Variants in FBXO11 observed in about 807,000 individuals in gnomAD.
The protein encoded by FBXO11 is F-box protein 11, also known as F-box only protein 11.
FBXO11 carries 13 observed loss-of-function variants against 117.0 expected under a neutral mutation model. The observed-to-expected ratio is 0.11, with a 90% CI of 0.07 to 0.18. FBXO11 has a LOEUF of 0.18. Ranked by LOEUF, FBXO11 falls within the 10% of genes least tolerant of loss-of-function variation. The pLI is 1.00. For synonymous variants in FBXO11, 490 were observed against 380.5 expected, an observed-to-expected ratio of 1.29 and a Z score of -3.35; for missense variants, 767 against 1,164.4, an observed-to-expected ratio of 0.66 and a Z score of 4.97.
At chr2:47,811,969 C>T (rs753581557) in intron 18 of FBXO11, among the ~76,000 whole-genome samples, 1 of 151,772 alleles carries the variant, frequency 6.6e-6, no homozygotes, top group Non-Finnish European at 1.5e-5. Context: ...CTTTTCACAC[C>T]CTTATGCTAT....
chr2:47,837,251 G>A (rs1174271067), intron 4 of FBXO11, among the ~76,000 whole-genome samples: 1 of 152,216 alleles, frequency 6.6e-6, no homozygotes, highest in Admixed American at 6.5e-5. Context: ...TGTGGGCCGG[G>A]CACAGTGGCC....
rs541286317 is a variant in FBXO11, at chr2:47,894,850, G to GA, written c.232+10638dup. On this transcript the variant is annotated intron_variant, in intron 1 of 22. Coordinates refer to ENST00000403359, the MANE Select transcript of FBXO11 (RefSeq NM_001190274.2). The stretch of plus-strand genomic sequence containing the variant: ...CAACTGTGGCTATCTGCAAAAAAAT[G>GA]AAAATGTGAAAATGGGAAAGAACAC... Among the ~76,000 whole-genome samples the GA allele has an allele frequency of 1.0e-3, 155 of 152,220 alleles. 1 individual carries two copies. Among genetic ancestry groups the GA allele is most frequent in the African/African-American group, 3.6e-3 (151 of 41,538 alleles).
intron 1 of FBXO11, among the ~76,000 whole-genome samples, chr2:47,898,053 T>A (rs1677811510): frequency 6.6e-6 from 1 of 152,224 alleles, no homozygotes; most frequent in South Asian, 2.1e-4. Context: ...AGCCCCATGA[T>A]CTTCATTTGT....
At chr2:47,902,730 C>A (rs558512039) in intron 1 of FBXO11, among the ~76,000 whole-genome samples, 1 of 152,128 alleles carries the variant, frequency 6.6e-6, no homozygotes, top group South Asian at 2.1e-4. Flanking sequence ...TATTTTATTA[C>A]CACTAAAGAA....
chr2:47,856,314 A>T (rs995726622), intron 1 of FBXO11, among the ~76,000 whole-genome samples: 1 of 152,252 alleles, frequency 6.6e-6, no homozygotes, highest in Admixed American at 6.5e-5. Context: ...TTAAGAAATT[A>T]CTTGAAGACA....
At chr2:47,830,919 C>T (rs1015643161) in intron 11 of FBXO11, among the ~76,000 whole-genome samples, 1 of 152,210 alleles carries the variant, frequency 6.6e-6, no homozygotes, top group African/African-American at 2.4e-5. Flanking sequence ...CCTGTCTCAG[C>T]CCCCAAGTAG....
At chr2:47,855,831 T>G (rs964068192) in intron 1 of FBXO11, among the ~76,000 whole-genome samples, 5 of 142,666 alleles carry the variant, frequency 3.5e-5, no homozygotes, top group Non-Finnish European at 7.6e-5. Context: ...AAACTCCATC[T>G]CAAACAGTTC....
intron 11 of FBXO11, among the ~76,000 whole-genome samples, chr2:47,829,428 ACAGGG>A: frequency 6.6e-6 from 1 of 151,208 alleles, no homozygotes; most frequent in African/African-American, 2.4e-5. Context: ...TCTAGTAGAG[ACAGGG>A]TTTCACCATG....
At chr2:47,858,859 T>C (rs965282711) in intron 1 of FBXO11, among the ~76,000 whole-genome samples, 9 of 150,314 alleles carry the variant, frequency 6.0e-5, no homozygotes, top group Non-Finnish European at 1.3e-4. Flanking sequence ...GTCAACATGG[T>C]GAAACCCCGT....
At chr2:47,843,138 T>C (rs1350588180) in intron 1 of FBXO11, among the ~76,000 whole-genome samples, 1 of 152,222 alleles carries the variant, frequency 6.6e-6, no homozygotes, top group Admixed American at 6.5e-5. Flanking sequence ...GCCAGTATGA[T>C]ACGCCTAGGC....
chr2:47,906,254 TGAAA>T lies in FBXO11; in HGVS notation c.-538_-535del, dbSNP rs1298575717. On this transcript the variant is annotated 5_prime_UTR_variant, in exon 1 of 23. Coordinates refer to ENST00000403359, the MANE Select transcript of FBXO11 (RefSeq NM_001190274.2). ...CCCTCTTCCTCCCCCCCACACCCCCTGAAAGAGATTTCTGTGAGGAATTTTTCTC... is the reference window on the plus strand; with the variant it reads ...CCCTCTTCCTCCCCCCCACACCCCCTGAGATTTCTGTGAGGAATTTTTCTC... 2 of 160,350 alleles carry T rather than the reference TGAAA, an allele frequency of 1.2e-5. No homozygotes were observed. The highest frequency in any genetic ancestry group is 4.8e-5 in the African/African-American group (2 of 41,466). The allele number at this position is 160,350 out of a possible 1,614,324, so 9.9% of individuals were successfully genotyped here. A position where few individuals can be genotyped will look rare whatever the true frequency, so the allele number is the denominator to read the frequency against.
intron 1 of FBXO11, among the ~76,000 whole-genome samples, chr2:47,890,181 G>T (rs1204908813): frequency 6.6e-6 from 1 of 151,894 alleles, no homozygotes; most frequent in African/African-American, 2.4e-5. Flanking sequence ...TTGGTAGGCT[G>T]GTCTTGCACT....
In FBXO11 at chr2:47,809,994, TG is replaced by T. The variant is rs556246722; in HGVS notation, c.2339-288del. 155 of 491,654 alleles carry T rather than the reference TG, an allele frequency of 3.2e-4. 1 individual carries two copies. Among genetic ancestry groups the T allele is most frequent in the African/African-American group, 2.7e-3 (139 of 50,690 alleles). 30.5% of individuals were successfully genotyped at this position (491,654 alleles called of 1,614,324 possible). On this transcript the variant is annotated intron_variant, in intron 19 of 22. Transcript: ENST00000403359. ...TCCATTTTAACATCTCTTTTTCTGT[TG>T]CAGATTTAAACTGGTAAATTCATCT...
chr2:47,837,769 C>T (rs562175549), intron 4 of FBXO11, among the ~76,000 whole-genome samples: 4 of 152,058 alleles, frequency 2.6e-5, no homozygotes, highest in African/African-American at 9.7e-5. Context: ...CTCCGTCTGC[C>T]GCCCAGGCTG....
intron 16 of FBXO11, among the ~76,000 whole-genome samples, chr2:47,816,791 G>T (rs541807770): frequency 6.6e-6 from 1 of 152,220 alleles, no homozygotes; most frequent in African/African-American, 2.4e-5. Flanking sequence ...AGGTCTCAGT[G>T]GACTTAACAT....
intron 11 of FBXO11, among the ~76,000 whole-genome samples, chr2:47,826,920 C>A (rs893041898): frequency 1.3e-5 from 2 of 152,178 alleles, no homozygotes; most frequent in African/African-American, 2.4e-5. Context: ...TTTACATTTA[C>A]ATTAGGTTTA....
chr2:47,834,236 G>A (rs1484791053), intron 7 of FBXO11, among the ~76,000 whole-genome samples: 1 of 152,112 alleles, frequency 6.6e-6, no homozygotes, highest in Non-Finnish European at 1.5e-5. Context: ...TATAATCCCA[G>A]CTACTTGAGA....
At chr2:47,834,357 C>A (rs375969330) in intron 7 of FBXO11, among the ~76,000 whole-genome samples, 97 of 150,816 alleles carry the variant, frequency 6.4e-4, no homozygotes, top group African/African-American at 2.2e-3. Context: ...ATCAAAAAAA[C>A]AAAAAAGGTT....
rs549653012 is a variant in FBXO11, at chr2:47,825,733, A to C, written c.1399-2373T>G. Reference sequence around the variant, plus strand: ...CTGAGACCACGGGTGCATGGCACCAAGCCTGGCCAATTTTTGTGTTTTTAG... The same window carrying C: ...CTGAGACCACGGGTGCATGGCACCACGCCTGGCCAATTTTTGTGTTTTTAG... On this transcript the variant is annotated intron_variant, in intron 11 of 22. Coordinates refer to ENST00000403359, the MANE Select transcript of FBXO11 (RefSeq NM_001190274.2). 2.0e-5 allele frequency among the ~76,000 whole-genome samples: 3 copies of C among 152,090 alleles called. No homozygotes were observed. In the East Asian group the frequency reaches 5.8e-4, roughly 29 times the overall value.
Sources: allele counts gnomAD v4.1 joint callset (sites outside exome capture counted in the v4.1 genomes callset), GRCh38; gene constraint gnomAD v4.1.1; transcripts MANE v1.5; gene names NCBI Gene and HGNC (gene_info 2026-07-23, HGNC 2026-07-21).